The following FCRL5 variants were observed in gnomAD, a reference collection of about 807,000 sequenced individuals.
The protein encoded by FCRL5 is Fc receptor like 5.
A neutral mutation model predicts 92.1 loss-of-function variants in FCRL5; 79 were observed. The observed-to-expected ratio is 0.86, with a 90% CI of 0.72 to 1.03. The LOEUF (loss-of-function observed/expected upper bound fraction) is 1.03, where lower values mean the gene tolerates loss of function less well. Among genes scored for constraint, FCRL5 ranks in the 50% least tolerant of loss-of-function variants. The probability of loss-of-function intolerance (pLI) is 0.00; values close to 1 mark genes in which losing one functional copy is unlikely to be tolerated. For synonymous variants in FCRL5, 466 were observed against 469.3 expected (o/e 0.99, Z 0.09); for missense variants, 1,160 against 1,181.1 (o/e 0.98, Z 0.26).
In FCRL5 at chr1:157,519,065, C is replaced by T. The variant is rs533462048; in HGVS notation, c.2661-283G>A. 9.0e-4 allele frequency: 240 copies of T among 265,850 alleles called. 1 individual carries two copies. Among genetic ancestry groups the T allele is most frequent in the African/African-American group, 4.6e-3 (207 of 44,720 alleles). 16.5% of individuals were successfully genotyped at this position (265,850 alleles called of 1,614,324 possible). ...TCGTTTTAGCTGAAACAAACGGAGG[C>T]TCCAATAAGTGACTTATGAAGATCA... On this transcript the variant is annotated intron_variant, in intron 13 of 16. Coordinates refer to ENST00000361835, the MANE Select transcript of FCRL5 (RefSeq NM_031281.3).
At chr1:157,551,255 A>G (rs1444810990) in intron 1 of FCRL5, among the ~76,000 whole-genome samples, 6 of 152,212 alleles carry the variant, frequency 3.9e-5, no homozygotes, top group Admixed American at 2.6e-4. Context: ...AGCCCATGTT[A>G]TAAACTTTGC....
At chr1:157,530,460 G>T (rs866645272) in intron 8 of FCRL5, among the ~76,000 whole-genome samples, 1 of 152,164 alleles carries the variant, frequency 6.6e-6, no homozygotes, top group African/African-American at 2.4e-5. Flanking sequence ...TCCGCCATCC[G>T]GGTTGAAGCG....
chr1:157,519,500 G>T (rs1011863244), intron 13 of FCRL5, among the ~76,000 whole-genome samples: 6 of 152,174 alleles, frequency 3.9e-5, no homozygotes, highest in Non-Finnish European at 7.4e-5. Context: ...CAAGGATGTG[G>T]GTTAATAAAT....
chr1:157,525,782 C>T (rs935614977), intron 9 of FCRL5, among the ~76,000 whole-genome samples: 2 of 152,194 alleles, frequency 1.3e-5, no homozygotes, highest in African/African-American at 4.8e-5. Context: ...AGGAAGACTC[C>T]TCTGTTCCTG....
chr1:157,519,859 A>G (rs148190057), intron 12 of FCRL5, 89 bp from the exon 13 acceptor site: 1 of 1,363,984 alleles, frequency 7.3e-7, no homozygotes, highest in Non-Finnish European at 1.0e-6. Context: ...AGAAACTGCC[A>G]GGAGTTGCTG....
rs1309832197 is a variant in FCRL5, at chr1:157,534,996, C to T, written c.1403-104G>A. Reference sequence around the variant, plus strand: ...CAGTCTCCAGTACAGGATCTCTAGACTTCACCTACCTGGAGGGCAGCCAAG... The same window carrying T: ...CAGTCTCCAGTACAGGATCTCTAGATTTCACCTACCTGGAGGGCAGCCAAG... On this transcript the variant is annotated intron_variant, in intron 7 of 16. Transcript: ENST00000361835. 4.6e-6 allele frequency: 5 copies of T among 1,096,174 alleles called. No individual in the cohort carries two copies. The Admixed American group carries it at 1.4e-4, about 31-fold the overall frequency. 67.9% of individuals were successfully genotyped at this position (1,096,174 alleles called of 1,614,324 possible). A position where few individuals can be genotyped will look rare whatever the true frequency, so the allele number is the denominator to read the frequency against.
At chr1:157,519,982 C>T (rs554800698) in intron 12 of FCRL5, among the ~76,000 whole-genome samples, 2 of 152,268 alleles carry the variant, frequency 1.3e-5, no homozygotes, top group South Asian at 2.1e-4. Flanking sequence ...GTCCACAATC[C>T]GTAATCCTTT....
Position 157,539,169 on chromosome 1 carries a change from G to T in FCRL5, c.1319C>A (p.Ala440Glu). 6.2e-7 allele frequency: 1 copy of T among 1,614,224 alleles called. No homozygotes were observed. Among genetic ancestry groups the T allele is most frequent in the Non-Finnish European group, 8.5e-7 (1 of 1,180,042 alleles). Residue 440 changes from alanine (A) to glutamate (E), a missense_variant, in exon 7 of 17, where the codon GCA (alanine) becomes GAA (glutamate). Coordinates refer to ENST00000361835, the MANE Select transcript of FCRL5 (RefSeq NM_031281.3). ...GGVAISFSLT[A>E]EHSGNYYCTA... ...GCAGTAGTAGTTCCCTGAATGCTCT[G>T]CAGTCAGAGAGAAGCTGATGGCCAC...
chr1:157,546,111 T>G, intron 3 of FCRL5: 1 of 276,716 alleles, frequency 3.6e-6, no homozygotes, highest in Non-Finnish European at 7.3e-6. Context: ...GTATGAACAA[T>G]TCTCCTGCCA....
intron 8 of FCRL5, chr1:157,532,252 A>G (rs1300192561): frequency 6.6e-6 from 1 of 151,928 alleles, no homozygotes; most frequent in Admixed American, 6.6e-5. Flanking sequence ...CCTAACATCT[A>G]TGCTTGCGCC....
intron 5 of FCRL5, among the ~76,000 whole-genome samples, chr1:157,543,382 C>T (rs1215653225): frequency 1.3e-5 from 2 of 152,230 alleles, no homozygotes; most frequent in Non-Finnish European, 2.9e-5. Context: ...CCTTCACTTG[C>T]ATTGGCCTCA....
chr1:157,528,609 A>G (rs1381822612), intron 8 of FCRL5: 1 of 152,282 alleles, frequency 6.6e-6, no homozygotes. Context: ...ACTGGTATAA[A>G]AACAGACAGG....
chr1:157,520,553 G>T lies in FCRL5; in HGVS notation c.2516-6C>A, dbSNP rs763882863. 7 of 1,582,062 alleles carry T rather than the reference G, an allele frequency of 4.4e-6. No homozygotes were observed. The highest frequency in any genetic ancestry group is 2.3e-5 in the East Asian group (1 of 43,006). On this transcript the variant is annotated splice_region_variant and splice_polypyrimidine_tract_variant and intron_variant, in intron 11 of 16. Coordinates refer to ENST00000361835, the MANE Select transcript of FCRL5 (RefSeq NM_031281.3). ...ACTTCTGTTCGCGGTCAGCCCTGAG[G>T]GGGAGACCCTGTGTGTGAGCCAGAG...
At chr1:157,547,606 T>C (rs1462875697) in intron 2 of FCRL5, among the ~76,000 whole-genome samples, 6 of 152,338 alleles carry the variant, frequency 3.9e-5, no homozygotes, top group Middle Eastern at 6.8e-3. Context: ...ATCTTAAGAT[T>C]TGTCCCTGAG....
At chr1:157,541,507 A>G (rs1651259554) in intron 6 of FCRL5, among the ~76,000 whole-genome samples, 1 of 152,242 alleles carries the variant, frequency 6.6e-6, no homozygotes, top group Admixed American at 6.5e-5. Flanking sequence ...GCAGTCGTCA[A>G]GAACCGACTG....
chr1:157,541,392 G>T (rs1422471449), intron 6 of FCRL5, among the ~76,000 whole-genome samples: 1 of 152,204 alleles, frequency 6.6e-6, no homozygotes, highest in African/African-American at 2.4e-5. Context: ...AGCCCAGATT[G>T]CCCTGCAAAA....
At position 157,544,895 on chromosome 1, in the gene FCRL5, G is replaced by A. The variant is rs11803066; in HGVS notation, c.495C>T (p.Arg165=). The A allele has an allele frequency of 2.5e-3, 4,038 of 1,614,138 alleles. 79 individuals carry two copies. The African/African-American group carries it at 0.048, about 19-fold the overall frequency. Residue 165 remains arginine, a synonymous_variant, in exon 4 of 17, where the codon CGC becomes CGT. Transcript: ENST00000361835. ...HACLKDNGAY[R]CTGYKESCCP... ...AACAACTTTCCTTATATCCAGTACA[G>A]CGATATGCACCATTGTCCTTGAGAC...
At chr1:157,536,785 G>A (rs915640352) in intron 7 of FCRL5, among the ~76,000 whole-genome samples, 8 of 152,208 alleles carry the variant, frequency 5.3e-5, no homozygotes, top group Non-Finnish European at 8.8e-5. Context: ...CAGGGACCCC[G>A]AATGGAGGGA....
At chr1:157,516,990 A>C (rs1649961194) in intron 15 of FCRL5, among the ~76,000 whole-genome samples, 3 of 152,248 alleles carry the variant, frequency 2.0e-5, no homozygotes, top group African/African-American at 7.2e-5. Context: ...ATGAGGCACA[A>C]ACACAATTCA....
Sources: gnomAD v4.1 joint callset for allele counts (sites outside exome capture counted in the v4.1 genomes callset) on GRCh38, gnomAD v4.1.1 for gene constraint, MANE v1.5 for transcripts, NCBI Gene and HGNC (gene_info 2026-07-23, HGNC 2026-07-21) for gene names.